The following BRAF variants were observed in gnomAD, a reference collection of about 807,000 sequenced individuals.
BRAF encodes serine/threonine-protein kinase B-raf.
BRAF carries 16 observed loss-of-function variants against 104.6 expected under a neutral mutation model. The observed-to-expected ratio is 0.15, with a 90% CI of 0.10 to 0.23. The LOEUF (loss-of-function observed/expected upper bound fraction) is 0.23. Ranked by LOEUF, BRAF falls within the 10% of genes least tolerant of loss-of-function variation. BRAF has a pLI of 1.00. For missense variants in BRAF, 541 were observed against 937.3 expected (o/e 0.58, Z 5.52); for synonymous variants, 310 against 341.6 (o/e 0.91, Z 1.02).
chr7:140,809,853 GA>G (rs1474440506), intron 3 of BRAF, among the ~76,000 whole-genome samples: 1 of 152,022 alleles, frequency 6.6e-6, no homozygotes, highest in African/African-American at 2.4e-5. Context: ...GAGAGACAGA[GA>G]AGGAGGGAAA....
intron 3 of BRAF, among the ~76,000 whole-genome samples, chr7:140,828,918 G>T (rs1249884210): frequency 6.6e-6 from 1 of 152,066 alleles, no homozygotes; most frequent in African/African-American, 2.4e-5. Context: ...TTTATATTTT[G>T]CCAGACAGAT....
intron 14 of BRAF, among the ~76,000 whole-genome samples, chr7:140,757,470 A>T (rs1333685862): frequency 6.6e-6 from 1 of 151,788 alleles, no homozygotes; most frequent in South Asian, 2.1e-4. Flanking sequence ...TTGTGTTTTT[A>T]GTAGAGATGG....
intron 8 of BRAF, among the ~76,000 whole-genome samples, chr7:140,789,147 T>C (rs1440775281): frequency 1.3e-5 from 2 of 151,672 alleles, no homozygotes; most frequent in East Asian, 2.0e-4. Flanking sequence ...AGGCGGAGGT[T>C]GCAGTGAGCT....
rs181450365 is a variant in BRAF at position 140,906,772 on chromosome 7, G to C, written c.138+17794C>G. ...TTGAGAATATATGTAATTTTCTATT[G>C]AAAAGTCAACCATCAGTCCATAGTT... On this transcript the variant is annotated intron_variant, in intron 1 of 19. Transcript: ENST00000644969. Among the ~76,000 whole-genome samples, 13 of 152,212 alleles carry C rather than the reference G, an allele frequency of 8.5e-5. No individual in the cohort carries two copies. In the East Asian group the frequency reaches 2.5e-3, roughly 29 times the overall value.
At chr7:140,770,490 C>T (rs558371474) in intron 14 of BRAF, among the ~76,000 whole-genome samples, 33 of 111,862 alleles carry the variant, frequency 3.0e-4, no homozygotes, top group Non-Finnish European at 4.5e-4. Context: ...AATTCAAAAT[C>T]ATACCATAAA....
intron 2 of BRAF, among the ~76,000 whole-genome samples, chr7:140,839,858 G>A (rs555316871): frequency 1.6e-4 from 25 of 152,260 alleles, no homozygotes; most frequent in Non-Finnish European, 3.1e-4. Context: ...ACTCTCACCC[G>A]TCAGGAAGTT....
At chr7:140,822,915 T>C (rs548223722) in intron 3 of BRAF, among the ~76,000 whole-genome samples, 1 of 152,268 alleles carries the variant, frequency 6.6e-6, no homozygotes, top group South Asian at 2.1e-4. Context: ...TTTTAACTCC[T>C]GGGCACAAGT....
At chr7:140,885,363 C>T (rs1476980161) in intron 1 of BRAF, among the ~76,000 whole-genome samples, 2 of 151,774 alleles carry the variant, frequency 1.3e-5, no homozygotes, top group African/African-American at 2.4e-5. Flanking sequence ...TCTGCCTTAA[C>T]AAAAGATATC....
chr7:140,890,040 G>C (rs568468169), intron 1 of BRAF, among the ~76,000 whole-genome samples: 13 of 152,256 alleles, frequency 8.5e-5, no homozygotes, highest in African/African-American at 3.1e-4. Context: ...TAGCAGTTAA[G>C]AGTACAGACT....
At chr7:140,796,633 T>C (rs999868092) in intron 7 of BRAF, among the ~76,000 whole-genome samples, 1 of 152,202 alleles carries the variant, frequency 6.6e-6, no homozygotes, top group Non-Finnish European at 1.5e-5. Flanking sequence ...TATCTGCGTA[T>C]TATACAAAAT....
intron 12 of BRAF, chr7:140,780,318 G>T (rs1212902919): frequency 6.7e-6 from 1 of 148,338 alleles, no homozygotes; most frequent in Non-Finnish European, 1.5e-5. Context: ...TCGGCTCACT[G>T]CAACCTCCAC....
chr7:140,730,635 A>T (rs1795887027), intron 19 of BRAF, 30 bp downstream of exon 18: 1 of 151,704 alleles, frequency 6.6e-6, no homozygotes, highest in East Asian at 2.0e-4. Context: ...AAGTGCTGGG[A>T]TTACAGGTGT....
chr7:140,726,408 T>G lies in BRAF; in HGVS notation c.*86A>C. The stretch of plus-strand genomic sequence containing the variant: ...AAATTTTGTATCTTTAAAAAAAGAT[T>G]TGAGGAACAGAACTGTGTTTTGATG... On this transcript the variant is annotated 3_prime_UTR_variant, in exon 20 of 20. Transcript: ENST00000644969. 1 of 1,509,698 alleles carries G rather than the reference T, an allele frequency of 6.6e-7. No individual in the cohort carries two copies. Among genetic ancestry groups the G allele is most frequent in the Non-Finnish European group, 8.8e-7 (1 of 1,137,466 alleles). The allele number at this position is 1,509,698 out of a possible 1,614,324, so 93.5% of individuals were successfully genotyped here.
At position 140,924,771 on chromosome 7, in the gene BRAF, T is replaced by C. The variant is rs868663185; in HGVS notation, c.-68A>G. 1.8e-5 allele frequency: 10 copies of C among 569,288 alleles called. No homozygotes were observed. The highest frequency in any genetic ancestry group is 4.5e-4 in the Middle Eastern group (1 of 2,212). The allele number at this position is 569,288 out of a possible 1,614,324, so 35.3% of individuals were successfully genotyped here. On this transcript the variant is annotated 5_prime_UTR_variant, in exon 1 of 20. Coordinates refer to ENST00000644969, the MANE Select transcript of BRAF (RefSeq NM_001374258.1). This position sits in a 1 kb window ranked among gnomAD's most constrained non-coding sequence, Gnocchi z 4.2. ...GGGAGGGGGAAGGGAGGCGGAGAGC[T>C]GGGGGAGGCGGAGGCGGAGGCGGAG... is the stretch of plus-strand genomic sequence containing the variant.
intron 18 of BRAF, among the ~76,000 whole-genome samples, chr7:140,736,875 A>G (rs1040407712): frequency 2.6e-5 from 4 of 151,552 alleles, no homozygotes; most frequent in African/African-American, 9.7e-5. Context: ...TATCTCTACA[A>G]CCACCACCAC....
chr7:140,846,235 G>A lies in BRAF; in HGVS notation c.240+3876C>T, dbSNP rs142505038. Among the ~76,000 whole-genome samples, 247 of 152,260 alleles carry A rather than the reference G, an allele frequency of 1.6e-3. 1 individual carries two copies. Among genetic ancestry groups the A allele is most frequent in the Middle Eastern group, 0.014 (4 of 294 alleles). On this transcript the variant is annotated intron_variant, in intron 2 of 19. Coordinates refer to ENST00000644969, the MANE Select transcript of BRAF (RefSeq NM_001374258.1). ...CAGCATTATTGATAATAGCCAAAACGTAGAAGCAACCCAAGTGTCCACTGA... is the reference window on the plus strand; with the variant it reads ...CAGCATTATTGATAATAGCCAAAACATAGAAGCAACCCAAGTGTCCACTGA...
intron 1 of BRAF, among the ~76,000 whole-genome samples, chr7:140,885,067 T>A (rs1813403607): frequency 6.6e-6 from 1 of 152,166 alleles, no homozygotes; most frequent in Admixed American, 6.5e-5. Flanking sequence ...AATGGCACGA[T>A]CTCAGCTCAC....
At chr7:140,916,452 T>C (rs1179589301) in intron 1 of BRAF, among the ~76,000 whole-genome samples, 1 of 152,248 alleles carries the variant, frequency 6.6e-6, no homozygotes, top group Non-Finnish European at 1.5e-5. Flanking sequence ...GGAAGAACTC[T>C]TCTAATGAAG....
chr7:140,760,518 G>C (rs1166710002), intron 14 of BRAF, among the ~76,000 whole-genome samples: 1 of 152,130 alleles, frequency 6.6e-6, no homozygotes, highest in Non-Finnish European at 1.5e-5. Flanking sequence ...CAACTGGACA[G>C]TGAATACCAA....
Sources: allele counts gnomAD v4.1 joint callset (sites outside exome capture counted in the v4.1 genomes callset), GRCh38; gene constraint gnomAD v4.1.1; non-coding constraint Gnocchi (gnomAD v3.1); transcripts MANE v1.5; gene names NCBI Gene and HGNC (gene_info 2026-07-23, HGNC 2026-07-21).